CMTM7: variants seen among roughly 807,000 people sequenced by gnomAD.
CMTM7 encodes the protein CKLF-like MARVEL transmembrane domain-containing protein 7.
A neutral mutation model predicts 19.3 loss-of-function variants in CMTM7; 7 were observed. That is an observed-to-expected ratio of 0.36 (90% CI 0.21 to 0.68). The LOEUF is 0.68. CMTM7 is among the 30% of genes least tolerant of loss of function. CMTM7 has a pLI of 0.60. For synonymous variants in CMTM7, 87 were observed against 99.3 expected (o/e 0.88, Z 0.74); for missense variants, 193 against 232.6 (o/e 0.83, Z 1.11).
chr3:32,428,944 C>G (rs1696473661), intron 1 of CMTM7, among the ~76,000 whole-genome samples: 1 of 152,222 alleles, frequency 6.6e-6, no homozygotes, highest in Admixed American at 6.5e-5. Context: ...GACCTGCTCC[C>G]ACCAAGGCTC....
At chr3:32,440,070 T>TACACACACACACACACAC (rs10526471) in intron 1 of CMTM7, among the ~76,000 whole-genome samples, 2 of 150,064 alleles carry the variant, frequency 1.3e-5, no homozygotes, top group East Asian at 4.0e-4. Flanking sequence ...ACCACACGCA[T>TACACACACACACACACAC]ACACACACAC....
At chr3:32,392,201 G>A (rs1410467107) in intron 1 of CMTM7, 136 bp downstream of exon 1, 2 of 685,350 alleles carry the variant, frequency 2.9e-6, no homozygotes, top group African/African-American at 1.9e-5. Context: ...GCACCGCGTC[G>A]CTAAAGTTCG....
intron 1 of CMTM7, among the ~76,000 whole-genome samples, chr3:32,440,005 T>C (rs1045167782): frequency 6.6e-6 from 1 of 152,016 alleles, no homozygotes; most frequent in Non-Finnish European, 1.5e-5. Flanking sequence ...CATTGCCAAA[T>C]GTCCCATAGG....
chr3:32,417,449 G>C (rs942584416), intron 1 of CMTM7, among the ~76,000 whole-genome samples: 4 of 152,216 alleles, frequency 2.6e-5, no homozygotes, highest in Admixed American at 6.5e-5. Context: ...ATGGATATGT[G>C]TGTGTTCACC....
At chr3:32,437,452 C>T (rs1696613629) in intron 1 of CMTM7, among the ~76,000 whole-genome samples, 1 of 151,982 alleles carries the variant, frequency 6.6e-6, no homozygotes, top group African/African-American at 2.4e-5. Context: ...TAAAAATTAG[C>T]CGGCCGTGGT....
chr3:32,452,015 A>AT (rs973465379), intron 3 of CMTM7: 41 of 1,202,050 alleles, frequency 3.4e-5, no homozygotes, highest in Non-Finnish European at 4.0e-5. Flanking sequence ...GAACGTTCAG[A>AT]TTTTTTTAAC....
chr3:32,427,953 A>G (rs1258218910), intron 1 of CMTM7, among the ~76,000 whole-genome samples: 1 of 152,222 alleles, frequency 6.6e-6, no homozygotes, highest in Non-Finnish European at 1.5e-5. Flanking sequence ...CTTCTGAGGA[A>G]GCTATGCCAG....
At chr3:32,394,961 G>C (rs937188220) in intron 1 of CMTM7, among the ~76,000 whole-genome samples, 1 of 151,444 alleles carries the variant, frequency 6.6e-6, no homozygotes, top group South Asian at 2.1e-4. Context: ...CTCCCAAAGC[G>C]CTGGTATTAC....
intron 4 of CMTM7, 83 bp downstream of exon 4, chr3:32,452,556 C>A: frequency 7.2e-7 from 1 of 1,392,390 alleles, no homozygotes; most frequent in Non-Finnish European, 1.0e-6. Context: ...AGGGACAAAC[C>A]CTGCTGTTGA....
chr3:32,441,003 C>T (rs1375716316), intron 1 of CMTM7, among the ~76,000 whole-genome samples: 2 of 152,200 alleles, frequency 1.3e-5, no homozygotes, highest in Admixed American at 6.5e-5. Flanking sequence ...CATGTTCACT[C>T]GTGCTGAGAT....
At chr3:32,420,322 C>G (rs1010416363) in intron 1 of CMTM7, among the ~76,000 whole-genome samples, 9 of 152,158 alleles carry the variant, frequency 5.9e-5, no homozygotes, top group African/African-American at 1.2e-4. Flanking sequence ...GAGGCTTTTG[C>G]AGTGGCAAGG....
At chr3:32,406,704 A>G (rs1696096432) in intron 1 of CMTM7, among the ~76,000 whole-genome samples, 1 of 152,196 alleles carries the variant, frequency 6.6e-6, no homozygotes, top group Non-Finnish European at 1.5e-5. Context: ...ACTAGTAGAT[A>G]TGGGGATTCT....
intron 1 of CMTM7, among the ~76,000 whole-genome samples, chr3:32,395,583 C>T (rs1025476086): frequency 1.3e-5 from 2 of 152,116 alleles, no homozygotes; most frequent in African/African-American, 4.8e-5. Context: ...GATATAAAAG[C>T]CACAGTGAGA....
At position 32,449,614 on chromosome 3, in the gene CMTM7, T is replaced by A; in HGVS notation, c.432+62T>A. On this transcript the variant is annotated intron_variant, in intron 3 of 4. Coordinates refer to ENST00000334983, the MANE Select transcript of CMTM7 (RefSeq NM_138410.4). The surrounding 1 kb of genome is among the most constrained non-coding windows in gnomAD (Gnocchi z 4.5). ...TTATTTAAAATGCTCATTTTCTTCC[T>A]GATGGGGGAAGAGAAGGGCTTGGTT... 1 of 1,282,970 alleles carries A rather than the reference T, an allele frequency of 7.8e-7. No homozygotes were observed. 79.5% of individuals were successfully genotyped at this position (1,282,970 alleles called of 1,614,324 possible).
Position 32,412,480 on chromosome 3 carries a change from G to GACACACAC in CMTM7, c.159+20468_159+20475dup, listed in dbSNP as rs3081435. 1.8e-3 allele frequency among the ~76,000 whole-genome samples: 220 copies of GACACACAC among 120,446 alleles called. 3 individuals carry two copies. Among genetic ancestry groups the GACACACAC allele is most frequent in the African/African-American group, 2.5e-3 (72 of 28,972 alleles). The allele number at this position is 120,446 out of a possible 152,430, so 79.0% of individuals were successfully genotyped here. A position where few individuals can be genotyped will look rare whatever the true frequency, so the allele number is the denominator to read the frequency against. ...CCAGCCTGGGCAACAGATTGAGACT[G>GACACACAC]ACACACACACACACACACACACACA... is the stretch of plus-strand genomic sequence containing the variant. On this transcript the variant is annotated intron_variant, in intron 1 of 4. Transcript: ENST00000334983.
intron 1 of CMTM7, among the ~76,000 whole-genome samples, chr3:32,421,753 G>A (rs983545524): frequency 2.6e-5 from 4 of 152,084 alleles, no homozygotes; most frequent in African/African-American, 9.7e-5. Context: ...GTGCTACTTT[G>A]TGCCAAGACC....
intron 1 of CMTM7, among the ~76,000 whole-genome samples, chr3:32,438,686 A>G (rs1696634123): frequency 6.6e-6 from 1 of 152,230 alleles, no homozygotes; most frequent in African/African-American, 2.4e-5. Flanking sequence ...CCGAATTCAG[A>G]AAGTGTTATT....
intron 1 of CMTM7, among the ~76,000 whole-genome samples, chr3:32,419,891 G>A (rs1199457029): frequency 6.6e-6 from 1 of 152,118 alleles, no homozygotes; most frequent in Non-Finnish European, 1.5e-5. Context: ...GGTCTAGTGT[G>A]GGTTATTCTG....
intron 2 of CMTM7, among the ~76,000 whole-genome samples, chr3:32,442,961 T>C: frequency 6.6e-6 from 1 of 152,174 alleles, no homozygotes; most frequent in East Asian, 1.9e-4. Flanking sequence ...CAATCACTAA[T>C]CTTCTGTCTC....
Sources: allele counts gnomAD v4.1 joint callset (sites outside exome capture counted in the v4.1 genomes callset), GRCh38; gene constraint gnomAD v4.1.1; non-coding constraint Gnocchi (gnomAD v3.1); transcripts MANE v1.5; gene names NCBI Gene and HGNC (gene_info 2026-07-23, HGNC 2026-07-21).